Variants in STXBP5L observed in about 807,000 individuals in gnomAD.
STXBP5L encodes syntaxin binding protein 5L.
A neutral mutation model predicts 144.5 loss-of-function variants in STXBP5L; 65 were observed. That is an observed-to-expected ratio of 0.45 (90% CI 0.37 to 0.55). The LOEUF (loss-of-function observed/expected upper bound fraction) is 0.55. Among genes scored for constraint, STXBP5L ranks in the 20% least tolerant of loss-of-function variants. STXBP5L has a pLI of 0.00. For missense variants in STXBP5L, 1,298 were observed against 1,405.5 expected (o/e 0.92, Z 1.22); for synonymous variants, 505 against 469.6 (o/e 1.08, Z -0.97).
chr3:121,286,280 A>G (rs896146735), intron 19 of STXBP5L, among the ~76,000 whole-genome samples: 1 of 152,214 alleles, frequency 6.6e-6, no homozygotes, highest in Admixed American at 6.5e-5. Flanking sequence ...GAACTATCCA[A>G]GAAAGGCAAA....
intron 9 of STXBP5L, among the ~76,000 whole-genome samples, chr3:121,160,849 T>G (rs1212146552): frequency 6.6e-6 from 1 of 152,156 alleles, no homozygotes; most frequent in Non-Finnish European, 1.5e-5. Flanking sequence ...ATCTAAGCAT[T>G]TTATTTTCAC....
At chr3:121,096,198 T>C (rs2043119818) in intron 5 of STXBP5L, among the ~76,000 whole-genome samples, 1 of 152,192 alleles carries the variant, frequency 6.6e-6, no homozygotes, top group South Asian at 2.1e-4. Flanking sequence ...TCACTCATGC[T>C]GGGAGTTGTG....
intron 20 of STXBP5L, among the ~76,000 whole-genome samples, chr3:121,377,638 G>T (rs926912937): frequency 3.9e-5 from 6 of 152,190 alleles, no homozygotes; most frequent in Non-Finnish European, 7.4e-5. Context: ...TCTCAGGCCA[G>T]TTAGAATGGC....
intron 20 of STXBP5L, among the ~76,000 whole-genome samples, chr3:121,344,007 A>G (rs1360654658): frequency 2.5e-4 from 38 of 152,060 alleles, no homozygotes; most frequent in South Asian, 6.2e-4. Context: ...TATACTACAA[A>G]GCTACAGTAA....
At chr3:121,102,589 A>G (rs368943116) in intron 5 of STXBP5L, among the ~76,000 whole-genome samples, 1 of 152,146 alleles carries the variant, frequency 6.6e-6, no homozygotes, top group Admixed American at 6.5e-5. Flanking sequence ...CAGACCTCAA[A>G]CTATAAGAAT....
intron 5 of STXBP5L, among the ~76,000 whole-genome samples, chr3:121,060,229 T>C (rs1258296308): frequency 1.3e-5 from 2 of 152,316 alleles, no homozygotes; most frequent in East Asian, 3.9e-4. Flanking sequence ...TTGGAGGTAA[T>C]CATGTGGTTT....
chr3:121,367,504 A>T (rs1434598395), intron 20 of STXBP5L, among the ~76,000 whole-genome samples: 1 of 149,530 alleles, frequency 6.7e-6, no homozygotes, highest in Non-Finnish European at 1.5e-5. Flanking sequence ...AGCATCAAGG[A>T]TATGCTGATT....
At chr3:120,969,644 A>G (rs1316101571) in intron 3 of STXBP5L, among the ~76,000 whole-genome samples, 2 of 151,884 alleles carry the variant, frequency 1.3e-5, no homozygotes, top group Non-Finnish European at 1.5e-5. Context: ...GAGTTTTTCC[A>G]AAGTTATCTT....
At chr3:121,042,700 C>T (rs758646880) in intron 4 of STXBP5L, among the ~76,000 whole-genome samples, 1 of 151,986 alleles carries the variant, frequency 6.6e-6, no homozygotes, top group Non-Finnish European at 1.5e-5. Flanking sequence ...TCAGAGGTAA[C>T]CCAAGGCAAG....
In STXBP5L at chr3:121,109,350, G is replaced by A. The variant is rs117442538; in HGVS notation, c.471-5575G>A. Among the ~76,000 whole-genome samples the A allele has an allele frequency of 3.6e-4, 55 of 152,048 alleles. 1 individual carries two copies. In the East Asian group the frequency reaches 8.5e-3, roughly 24 times the overall value. On this transcript the variant is annotated intron_variant, in intron 5 of 26. Coordinates refer to ENST00000471454, the MANE Select transcript of STXBP5L (RefSeq NM_001308330.2). ...CGATTTGAGATCTTTCTAGCTTTTC[G>A]ATGTGGGCATTTAGTTCTATAAATT...
chr3:121,031,471 T>A (rs886267117), intron 3 of STXBP5L, among the ~76,000 whole-genome samples: 4 of 151,954 alleles, frequency 2.6e-5, no homozygotes, highest in Non-Finnish European at 5.9e-5. Context: ...GGCTGGCAAA[T>A]CCAAAATCTG....
chr3:121,393,176 C>T (rs6438624), intron 22 of STXBP5L, among the ~76,000 whole-genome samples: 72,094 of 148,438 alleles, frequency 0.49, 17,754 homozygotes, highest in East Asian at 0.73. Flanking sequence ...TCTCTCATGA[C>T]TAATGATGTT....
chr3:121,202,979 CCTTTT>C (rs1449052755), intron 9 of STXBP5L, among the ~76,000 whole-genome samples: 2 of 150,850 alleles, frequency 1.3e-5, no homozygotes, highest in African/African-American at 4.9e-5. Context: ...TCCTTTCTTT[CCTTTT>C]CTTCTATTTC....
chr3:121,028,003 C>A (rs958018399), intron 3 of STXBP5L, among the ~76,000 whole-genome samples: 1 of 151,990 alleles, frequency 6.6e-6, no homozygotes, highest in Non-Finnish European at 1.5e-5. Context: ...TGGTGATATG[C>A]AATAGGGCCA....
chr3:121,163,845 T>C (rs1047222550), intron 9 of STXBP5L, among the ~76,000 whole-genome samples: 1 of 152,026 alleles, frequency 6.6e-6, no homozygotes, highest in Non-Finnish European at 1.5e-5. Flanking sequence ...CAAAAGAGAA[T>C]GTTAAACTAG....
chr3:121,320,097 A>C (rs1356327817), intron 20 of STXBP5L, among the ~76,000 whole-genome samples: 1 of 152,166 alleles, frequency 6.6e-6, no homozygotes, highest in African/African-American at 2.4e-5. Context: ...ATTTCACTGG[A>C]TCTATAGATC....
chr3:120,968,985 A>G (rs1459876126), intron 3 of STXBP5L, among the ~76,000 whole-genome samples: 3 of 152,072 alleles, frequency 2.0e-5, no homozygotes, highest in Non-Finnish European at 1.5e-5. Context: ...GCAATTGTGA[A>G]TTGTGCCACC....
At chr3:121,057,456 T>G (rs1049485594) in intron 5 of STXBP5L, among the ~76,000 whole-genome samples, 3 of 152,094 alleles carry the variant, frequency 2.0e-5, no homozygotes, top group Non-Finnish European at 4.4e-5. Context: ...TACAGAAAAT[T>G]ACTAGATTCA....
At chr3:121,296,145 A>G (rs1577387426) in intron 19 of STXBP5L, among the ~76,000 whole-genome samples, 1 of 152,134 alleles carries the variant, frequency 6.6e-6, no homozygotes, top group Non-Finnish European at 1.5e-5. Context: ...CACTGTAAAA[A>G]CCTTCAAGTT....
Sources: allele counts gnomAD v4.1 joint callset (sites outside exome capture counted in the v4.1 genomes callset), GRCh38; gene constraint gnomAD v4.1.1; transcripts MANE v1.5; gene names NCBI Gene and HGNC (gene_info 2026-07-23, HGNC 2026-07-21).